PITPNA: variants seen among roughly 807,000 people sequenced by gnomAD.
PITPNA encodes phosphatidylinositol transfer protein alpha, also known as phosphatidylinositol transfer protein alpha isoform.
In PITPNA, 13 loss-of-function variants were observed where a neutral mutation model predicts 50.3. The ratio of observed to expected loss-of-function variants is 0.26; its 90% CI spans 0.17 to 0.41. PITPNA has a LOEUF of 0.41. PITPNA is among the 10% of genes least tolerant of loss of function. PITPNA has a pLI of 1.00. For synonymous variants in PITPNA, 120 were observed against 119.6 expected (o/e 1.00, Z -0.02); for missense variants, 207 against 333.4 (o/e 0.62, Z 2.95).
intron 1 of PITPNA, among the ~76,000 whole-genome samples, chr17:1,561,982 G>A (rs1341207485): frequency 6.6e-6 from 1 of 151,896 alleles, no homozygotes; most frequent in Non-Finnish European, 1.5e-5. Flanking sequence ...GCCGCCGCGG[G>A]GCCTCTCAGC....
chr17:1,546,438 G>A lies in PITPNA; in HGVS notation c.289+1858C>T, dbSNP rs537921555. On this transcript the variant is annotated intron_variant, in intron 4 of 11. Coordinates refer to ENST00000313486, the MANE Select transcript of PITPNA (RefSeq NM_006224.4). Reference sequence around the variant, plus strand: ...GAGGGTTGGAAAGAGCAATGACCCCGTATTCTGGATTGCAGTCATTCCCAA... The same window carrying A: ...GAGGGTTGGAAAGAGCAATGACCCCATATTCTGGATTGCAGTCATTCCCAA... Among the ~76,000 whole-genome samples the A allele has an allele frequency of 2.4e-4, 36 of 152,230 alleles. No homozygotes were observed. The South Asian group carries it at 5.0e-3, about 21-fold the overall frequency.
intron 1 of PITPNA, among the ~76,000 whole-genome samples, 156 bp from the exon 2 acceptor site, chr17:1,558,715 G>C (rs951475741): frequency 3.0e-4 from 45 of 148,462 alleles, no homozygotes; most frequent in African/African-American, 1.1e-3. Flanking sequence ...TGAGTGCTCT[G>C]AGGACAGGAC....
chr17:1,532,431 C>G (rs2075589607), intron 10 of PITPNA, among the ~76,000 whole-genome samples: 1 of 152,136 alleles, frequency 6.6e-6, no homozygotes, highest in Non-Finnish European at 1.5e-5. Context: ...AAATAACTCT[C>G]TAACACTGAG....
Position 1,537,505 on chromosome 17 carries a change from G to A in PITPNA, c.456+1364C>T, listed in dbSNP as rs550497559. 3.3e-5 allele frequency among the ~76,000 whole-genome samples: 5 copies of A among 152,206 alleles called. No individual in the cohort carries two copies. The East Asian group carries it at 9.7e-4, about 30-fold the overall frequency. ...TGAGCCAATGTGCCCAGCCTCTGAGGAGATTATATTTATGTGTGCTTTAAA... is the reference window on the plus strand; with the variant it reads ...TGAGCCAATGTGCCCAGCCTCTGAGAAGATTATATTTATGTGTGCTTTAAA... On this transcript the variant is annotated intron_variant, in intron 7 of 11. Coordinates refer to ENST00000313486, the MANE Select transcript of PITPNA (RefSeq NM_006224.4).
At chr17:1,551,830 C>G (rs901869700) in intron 3 of PITPNA, among the ~76,000 whole-genome samples, 5 of 152,186 alleles carry the variant, frequency 3.3e-5, no homozygotes, top group Admixed American at 3.3e-4. Context: ...CAGCACTGCT[C>G]TCCTCGCACC....
chr17:1,549,952 G>A (rs973984765), intron 3 of PITPNA, among the ~76,000 whole-genome samples: 2 of 152,164 alleles, frequency 1.3e-5, no homozygotes, highest in Non-Finnish European at 2.9e-5. Context: ...GGGGATTACA[G>A]GCGTGAGCCA....
intron 3 of PITPNA, among the ~76,000 whole-genome samples, chr17:1,549,354 T>C (rs954670039): frequency 1.3e-5 from 2 of 150,148 alleles, no homozygotes; most frequent in Admixed American, 1.3e-4. Context: ...TCTTGCTGTG[T>C]CACCCAAGCT....
chr17:1,558,775 C>CA (rs1231129364), intron 1 of PITPNA, among the ~76,000 whole-genome samples: 2 of 52,194 alleles, frequency 3.8e-5, no homozygotes, highest in Non-Finnish European at 9.5e-5. Context: ...CAACACCCCC[C>CA]CCCCGCCCCC....
intron 7 of PITPNA, chr17:1,535,767 G>C: frequency 1.9e-6 from 1 of 518,216 alleles, no homozygotes; most frequent in Non-Finnish European, 3.5e-6. Flanking sequence ...CAGACTGTCT[G>C]AGCAGGCACA....
rs147621260 is a variant in PITPNA at position 1,543,977 on chromosome 17, G to C, written c.290-950C>G. Among the ~76,000 whole-genome samples the C allele has an allele frequency of 6.0e-4, 92 of 152,312 alleles. No individual in the cohort carries two copies. The East Asian group carries it at 0.016, about 27-fold the overall frequency. On this transcript the variant is annotated intron_variant, in intron 4 of 11. Coordinates refer to ENST00000313486, the MANE Select transcript of PITPNA (RefSeq NM_006224.4). ...GTCAGCAGAAATTCTCCTGTGCCGT[G>C]GTGGGCCCCGGAGGCCCAGCCCCCG...
chr17:1,560,772 C>T (rs1250919905), intron 1 of PITPNA, among the ~76,000 whole-genome samples: 1 of 152,236 alleles, frequency 6.6e-6, no homozygotes, highest in Non-Finnish European at 1.5e-5. Flanking sequence ...TCTTCCTCCT[C>T]ACCAGGAAAA....
At chr17:1,555,252 G>C (rs916696049) in intron 2 of PITPNA, among the ~76,000 whole-genome samples, 10 of 152,216 alleles carry the variant, frequency 6.6e-5, no homozygotes, top group African/African-American at 2.4e-4. Context: ...AAGAGGATCA[G>C]CCTGTTGGCT....
intron 1 of PITPNA, among the ~76,000 whole-genome samples, chr17:1,561,733 C>A (rs1467856308): frequency 3.3e-5 from 5 of 152,156 alleles, no homozygotes; most frequent in African/African-American, 1.2e-4. Flanking sequence ...GCCCCCTCTG[C>A]ATGTCCTCAG....
Position 1,553,097 on chromosome 17 carries a change from C to T in PITPNA, c.104G>A (p.Gly35Asp), listed in dbSNP as rs758098505. 6.2e-7 allele frequency: 1 copy of T among 1,613,984 alleles called. No homozygotes were observed. The highest frequency in any genetic ancestry group is 1.7e-5 in the Admixed American group (1 of 60,016). Reference sequence around the variant, plus strand: ...CAGGACCTCCACGCCTTCGCCACCACCCGTTTCATTTTTACTGGCCTCAGC... The same window carrying T: ...CAGGACCTCCACGCCTTCGCCACCATCCGTTTCATTTTTACTGGCCTCAGC... ...SVAEASKNET[G>D]GGEGVEVLVN... The change falls in exon 3 of 12, where the codon GGT becomes GAT. Residue 35 changes from glycine (G) to aspartate (D), a missense_variant. Transcript: ENST00000313486.
rs2150999465 is a variant in PITPNA, at chr17:1,518,519, G to A, written c.*2042C>T. The A allele has an allele frequency of 6.5e-6, 1 of 152,792 alleles. No individual in the cohort carries two copies. Among genetic ancestry groups the A allele is most frequent in the Middle Eastern group, 3.4e-3 (1 of 294 alleles). 9.5% of individuals were successfully genotyped at this position (152,792 alleles called of 1,614,324 possible). A position where few individuals can be genotyped will look rare whatever the true frequency, so the allele number is the denominator to read the frequency against. ...CAGGGACATCCTCCTTTATGTTTAT[G>A]TGGGCTGCAATTCCAGATCCAGGCT... On this transcript the variant is annotated 3_prime_UTR_variant, in exon 12 of 12. Coordinates refer to ENST00000313486, the MANE Select transcript of PITPNA (RefSeq NM_006224.4).
chr17:1,545,999 C>T (rs2075672262), intron 4 of PITPNA, among the ~76,000 whole-genome samples: 1 of 148,012 alleles, frequency 6.8e-6, no homozygotes, highest in Non-Finnish European at 1.5e-5. Flanking sequence ...ACGATCTCGG[C>T]TCACTGTAAC....
At chr17:1,521,462 T>C in intron 11 of PITPNA, 117 bp downstream of exon 11, 2 of 726,380 alleles carry the variant, frequency 2.8e-6, no homozygotes, top group South Asian at 1.5e-5. Flanking sequence ...GTGGCAACCA[T>C]CATTACTAGA....
At chr17:1,534,040 A>G in intron 10 of PITPNA, 59 bp downstream of exon 10, 1 of 1,602,536 alleles carries the variant, frequency 6.2e-7, no homozygotes, top group Non-Finnish European at 8.5e-7. Context: ...CCCCAGCAAA[A>G]CAGTCTCCTT....
At chr17:1,521,923 CTA>C (rs2075515952) in intron 10 of PITPNA, among the ~76,000 whole-genome samples, 3 of 144,808 alleles carry the variant, frequency 2.1e-5, no homozygotes, top group Non-Finnish European at 4.5e-5. Flanking sequence ...GGGGGTCTTC[CTA>C]TGTTGACCAG....
Sources: allele counts gnomAD v4.1 joint callset (sites outside exome capture counted in the v4.1 genomes callset), GRCh38; gene constraint gnomAD v4.1.1; transcripts MANE v1.5; gene names NCBI Gene and HGNC (gene_info 2026-07-23, HGNC 2026-07-21).